PKHD1: variants seen among roughly 807,000 people sequenced by gnomAD.
The protein encoded by PKHD1 is fibrocystin.
A neutral mutation model predicts 412.0 loss-of-function variants in PKHD1; 291 were observed. The ratio of observed to expected loss-of-function variants is 0.71; its 90% CI spans 0.64 to 0.78. PKHD1 has a LOEUF of 0.78. Ranked by LOEUF, PKHD1 falls within the 30% of genes least tolerant of loss-of-function variation. PKHD1 has a pLI of 0.00. For missense variants in PKHD1, 4,825 were observed against 4,950.7 expected (o/e 0.97, Z 0.76); for synonymous variants, 1,777 against 1,821.5 (o/e 0.98, Z 0.62).
intron 35 of PKHD1, among the ~76,000 whole-genome samples, chr6:51,976,422 G>A (rs1794445564): frequency 1.3e-5 from 2 of 152,216 alleles, no homozygotes; most frequent in South Asian, 2.1e-4. Flanking sequence ...AATTCCACTT[G>A]TATAAAGTGC....
At chr6:51,671,646 T>C (rs1774998954) in intron 60 of PKHD1, among the ~76,000 whole-genome samples, 1 of 152,146 alleles carries the variant, frequency 6.6e-6, no homozygotes, top group African/African-American at 2.4e-5. Flanking sequence ...GTTTCCAGTT[T>C]CTGTGCTCTG....
intron 43 of PKHD1, among the ~76,000 whole-genome samples, chr6:51,891,268 T>G (rs948603409): frequency 1.3e-5 from 2 of 152,150 alleles, no homozygotes; most frequent in Admixed American, 1.3e-4. Flanking sequence ...GGGTTTTGTT[T>G]TTTTGTTTGT....
Position 52,043,102 on chromosome 6 carries a change from C to T in PKHD1, c.2854G>A (p.Gly952Arg), listed in dbSNP as rs773136605. The change falls in exon 27 of 67, where the codon GGA becomes AGA. Residue 952 changes from glycine to arginine, a missense_variant. Coordinates refer to ENST00000371117, the MANE Select transcript of PKHD1 (RefSeq NM_138694.4). Reference sequence around the variant, plus strand: ...TGGGAGTCACCAGAGAAACCAGTTCCGGTAATGTAAATCATTAGGTTGATG... The same window carrying T: ...TGGGAGTCACCAGAGAAACCAGTTCTGGTAATGTAAATCATTAGGTTGATG... ...GDINLMIYIT[G>R]TGFSGDSQFL... 1.4e-5 allele frequency: 22 copies of T among 1,612,722 alleles called. No homozygotes were observed. Among genetic ancestry groups the T allele is most frequent in the Non-Finnish European group, 1.5e-5 (18 of 1,178,902 alleles).
chr6:52,007,349 A>G (rs1265257026), intron 35 of PKHD1, among the ~76,000 whole-genome samples: 2 of 152,164 alleles, frequency 1.3e-5, no homozygotes, highest in African/African-American at 4.8e-5. Flanking sequence ...CAAGGTTCCC[A>G]CACAAGGAAT....
intron 35 of PKHD1, among the ~76,000 whole-genome samples, chr6:51,981,365 C>CTCTCCCTCCACGG: frequency 1.1e-5 from 1 of 93,654 alleles, no homozygotes; most frequent in South Asian, 3.8e-4. Flanking sequence ...CTCCCTCTCC[C>CTCTCCCTCCACGG]TCTCCCTCCA....
intron 52 of PKHD1, among the ~76,000 whole-genome samples, chr6:51,820,755 T>C (rs1766263705): frequency 6.6e-6 from 1 of 152,154 alleles, no homozygotes; most frequent in Non-Finnish European, 1.5e-5. Context: ...CCTGCTGGCC[T>C]GCCTGTACCT....
At chr6:51,752,473 C>A (rs1166524598) in intron 57 of PKHD1, among the ~76,000 whole-genome samples, 1 of 152,200 alleles carries the variant, frequency 6.6e-6, no homozygotes, top group Non-Finnish European at 1.5e-5. Context: ...AAGGTCCAAA[C>A]ACTGCCCTTT....
chr6:51,790,925 GAC>G (rs1793633351), intron 53 of PKHD1, among the ~76,000 whole-genome samples: 1 of 152,096 alleles, frequency 6.6e-6, no homozygotes, highest in African/African-American at 2.4e-5. Context: ...GGCATATTCT[GAC>G]ACAAAGAAAA....
chr6:51,864,375 ATGGCAAGCTAAG>A (rs1343076205), intron 48 of PKHD1, among the ~76,000 whole-genome samples: 1 of 152,200 alleles, frequency 6.6e-6, no homozygotes. Context: ...ACACCGAAAA[ATGGCAAGCTAAG>A]TGGCTGTTGT....
intron 34 of PKHD1, among the ~76,000 whole-genome samples, chr6:52,016,268 C>A (rs1326275403): frequency 6.6e-6 from 1 of 152,192 alleles, no homozygotes; most frequent in East Asian, 1.9e-4. Context: ...CAGGACATCA[C>A]AAAGTCAGAT....
rs1562160374 is a variant in PKHD1, at chr6:52,024,724, A to C, written c.5086T>G (p.Ser1696Ala). The change falls in exon 32 of 67, where the codon TCT becomes GCT. Residue 1696 changes from serine (S) to alanine (A), a missense_variant. Coordinates refer to ENST00000371117, the MANE Select transcript of PKHD1 (RefSeq NM_138694.4). ...CACTGAAGAACGGTGTGGTTACCAG[A>C]GACACCCACACAGGGTGACATTCCT... ...FIGMSPCVGV[S>A]GNHTVLQCVV... is the part of the protein sequence containing the mutation. 1.2e-6 allele frequency: 2 copies of C among 1,614,216 alleles called. No individual in the cohort carries two copies. Among genetic ancestry groups the C allele is most frequent in the Non-Finnish European group, 1.7e-6 (2 of 1,180,026 alleles).
chr6:51,911,704 T>G, intron 39 of PKHD1, 95 bp downstream of exon 39: 2 of 1,121,882 alleles, frequency 1.8e-6, no homozygotes. Flanking sequence ...CTTATTCTAT[T>G]TTAAAAGAGG....
intron 52 of PKHD1, among the ~76,000 whole-genome samples, chr6:51,800,894 A>C (rs1762810071): frequency 6.6e-6 from 1 of 152,226 alleles, no homozygotes; most frequent in African/African-American, 2.4e-5. Context: ...GCAGAGCAGG[A>C]CATACAAGGA....
At chr6:52,049,770 A>G (rs1581952816) in intron 22 of PKHD1, among the ~76,000 whole-genome samples, 2 of 152,338 alleles carry the variant, frequency 1.3e-5, no homozygotes, top group East Asian at 3.9e-4. Context: ...CACATGAGGA[A>G]TGCAATGAAA....
intron 60 of PKHD1, among the ~76,000 whole-genome samples, chr6:51,724,291 A>T (rs1326611): frequency 0.35 from 53,319 of 151,894 alleles, 10,321 homozygotes; most frequent in East Asian, 0.62. Flanking sequence ...ATTTGCAAAC[A>T]ATTATCTAGT....
intron 37 of PKHD1, among the ~76,000 whole-genome samples, chr6:51,924,249 C>T (rs1203991350): frequency 1.3e-5 from 2 of 152,130 alleles, no homozygotes; most frequent in Non-Finnish European, 2.9e-5. Flanking sequence ...TTTCCATTTA[C>T]TTAACAAAGT....
At chr6:51,817,893 C>A (rs1765729760) in intron 52 of PKHD1, among the ~76,000 whole-genome samples, 1 of 152,176 alleles carries the variant, frequency 6.6e-6, no homozygotes, top group Non-Finnish European at 1.5e-5. Context: ...CATTCACCAC[C>A]TCCGTGCGTG....
At chr6:51,634,031 T>A (rs1047776895) in intron 64 of PKHD1, among the ~76,000 whole-genome samples, 1 of 151,934 alleles carries the variant, frequency 6.6e-6, no homozygotes, top group African/African-American at 2.4e-5. Context: ...TTATCATGTG[T>A]CAATCATATC....
intron 34 of PKHD1, among the ~76,000 whole-genome samples, chr6:52,014,939 T>C (rs1041069334): frequency 2.0e-5 from 3 of 152,180 alleles, no homozygotes; most frequent in African/African-American, 7.2e-5. Flanking sequence ...TTGTGTTCCC[T>C]GGAAAAACAC....
Sources: allele counts gnomAD v4.1 joint callset (sites outside exome capture counted in the v4.1 genomes callset), GRCh38; gene constraint gnomAD v4.1.1; transcripts MANE v1.5; gene names NCBI Gene and HGNC (gene_info 2026-07-23, HGNC 2026-07-21).